The following TCTN2 variants were observed in gnomAD, a reference collection of about 807,000 sequenced individuals.
TCTN2 encodes tectonic-2.
A neutral mutation model predicts 83.4 loss-of-function variants in TCTN2; 66 were observed. The ratio of observed to expected loss-of-function variants is 0.79; its 90% confidence interval spans 0.65 to 0.97. The LOEUF is 0.97. TCTN2 is among the 50% of genes least tolerant of loss of function. TCTN2 has a pLI of 0.00. For missense variants in TCTN2, 794 were observed against 858.1 expected, an observed-to-expected ratio of 0.93 and a Z score of 0.93; for synonymous variants, 301 against 326.7, an observed-to-expected ratio of 0.92 and a Z score of 0.85.
At chr12:123,694,001 T>C (rs2135845449) in intron 9 of TCTN2, among the ~76,000 whole-genome samples, 1 of 149,496 alleles carries the variant, frequency 6.7e-6, no homozygotes, top group South Asian at 2.1e-4. Context: ...TATTTTTTTG[T>C]ATTTTTTTTT....
Position 123,696,820 on chromosome 12 carries a change from A to G in TCTN2, c.1394-267A>G, listed in dbSNP as rs549572425. 1.5e-5 allele frequency: 8 copies of G among 534,388 alleles called. No individual in the cohort carries two copies. In the East Asian group the frequency reaches 2.7e-4, roughly 18 times the overall value. The allele number at this position is 534,388 out of a possible 1,614,324, so 33.1% of individuals were successfully genotyped here. ...AGACATGAAAATAACTTCGTTCTGA[A>G]CTGCAGGAAATCTGTGCTTCAGTGG... is the stretch of plus-strand genomic sequence containing the variant. On this transcript the variant is annotated intron_variant, in intron 12 of 17. Coordinates refer to ENST00000303372, the MANE Select transcript of TCTN2 (RefSeq NM_024809.5).
intron 14 of TCTN2, among the ~76,000 whole-genome samples, chr12:123,702,681 A>G (rs1447201798): frequency 6.6e-6 from 1 of 152,204 alleles, no homozygotes; most frequent in Non-Finnish European, 1.5e-5. Flanking sequence ...CCAGCTAGAT[A>G]GGCTGTGGAA....
chr12:123,704,684 A>G lies in TCTN2; in HGVS notation c.1765A>G (p.Thr589Ala). ...TCAGCAGGAGATACTCGGTGTAGAGACAAGGTATGATCACATCTTGGATCA... is the reference window on the plus strand; with the variant it reads ...TCAGCAGGAGATACTCGGTGTAGAGGCAAGGTATGATCACATCTTGGATCA... ...ITQQEILGVE[T>A]RFSSVNWQYQ... The change falls in exon 15 of 18, where the codon ACA becomes GCA. Residue 589 changes from threonine to alanine, a missense_variant. Thr to Ala is a moderately conservative substitution (Grantham distance 58). Coordinates refer to ENST00000303372, the MANE Select transcript of TCTN2 (RefSeq NM_024809.5). 4 of 1,613,506 alleles carry G rather than the reference A, an allele frequency of 2.5e-6. No individual in the cohort carries two copies. The highest frequency in any genetic ancestry group is 3.4e-6 in the Non-Finnish European group (4 of 1,179,902).
Position 123,696,508 on chromosome 12 carries a change from G to T in TCTN2, c.1393+13G>T. ...CTTTGGCAATCGGGTAATCCGGTTT[G>T]GTCATTATGATTAGCCCTTTGGCAA... On this transcript the variant is annotated intron_variant, in intron 12 of 17. Coordinates refer to ENST00000303372, the MANE Select transcript of TCTN2 (RefSeq NM_024809.5). The T allele has an allele frequency of 6.2e-7, 1 of 1,611,240 alleles. No homozygotes were observed. Among genetic ancestry groups the T allele is most frequent in the South Asian group, 1.1e-5 (1 of 91,026 alleles).
chr12:123,671,205 G>T lies in TCTN2; in HGVS notation c.-36G>T. The stretch of plus-strand genomic sequence containing the variant: ...GTCCTTCCTGGGTTCTAATGAGGGC[G>T]CGGTTCTGCTGTGCCCGGCCCGCGA... On this transcript the variant is annotated 5_prime_UTR_variant, in exon 1 of 18. Transcript: ENST00000303372. The T allele has an allele frequency of 6.3e-7, 1 of 1,591,600 alleles. No individual in the cohort carries two copies.
intron 6 of TCTN2, among the ~76,000 whole-genome samples, 179 bp downstream of exon 6, chr12:123,687,214 T>A (rs899387462): frequency 2.6e-5 from 4 of 152,196 alleles, no homozygotes; most frequent in African/African-American, 9.6e-5. Context: ...TTTGGAAGAA[T>A]TGGGCCTCAT....
intron 9 of TCTN2, 49 bp from the exon 10 acceptor site, chr12:123,694,793 C>T (rs762164568): frequency 1.3e-6 from 2 of 1,596,504 alleles, no homozygotes; most frequent in African/African-American, 2.7e-5. Flanking sequence ...GTAACAGAGT[C>T]AGGCTCAAAG....
At chr12:123,687,161 G>A in intron 6 of TCTN2, 126 bp downstream of exon 6, 2 of 1,086,620 alleles carry the variant, frequency 1.8e-6, no homozygotes, top group Non-Finnish European at 2.8e-6. Flanking sequence ...CGTGCCTAAA[G>A]GGTTCAATTC....
At chr12:123,675,518 C>T (rs181677272) in intron 4 of TCTN2, among the ~76,000 whole-genome samples, 94 of 152,286 alleles carry the variant, frequency 6.2e-4, no homozygotes, top group African/African-American at 2.2e-3. Flanking sequence ...CCTCCTGGTG[C>T]TTCTGGAAGT....
chr12:123,693,394 T>C (rs1474998967), intron 9 of TCTN2, among the ~76,000 whole-genome samples: 2 of 150,066 alleles, frequency 1.3e-5, no homozygotes, highest in Non-Finnish European at 3.0e-5. Flanking sequence ...TTTTTTTTTT[T>C]TTTGATAATT....
At chr12:123,680,605 C>A (rs1185897819) in intron 5 of TCTN2, among the ~76,000 whole-genome samples, 1 of 151,122 alleles carries the variant, frequency 6.6e-6, no homozygotes, top group Non-Finnish European at 1.5e-5. Context: ...CAACCTCCAC[C>A]TCCTGGATTC....
intron 9 of TCTN2, 129 bp from the exon 10 acceptor site, chr12:123,694,713 G>A (rs2135846409): frequency 1.1e-6 from 1 of 947,072 alleles, no homozygotes; most frequent in African/African-American, 1.6e-5. Context: ...TGCCATGTTA[G>A]GGAGCTGGAG....
At chr12:123,707,503 G>T (rs893979810) in intron 17 of TCTN2, 101 bp from the exon 18 acceptor site, 2 of 1,149,438 alleles carry the variant, frequency 1.7e-6, no homozygotes, top group East Asian at 4.8e-5. Flanking sequence ...CTCCCAAAGT[G>T]TTAGGATTAC....
chr12:123,685,199 C>T (rs1469780047), intron 5 of TCTN2, among the ~76,000 whole-genome samples: 1 of 152,100 alleles, frequency 6.6e-6, no homozygotes, highest in Admixed American at 6.6e-5. Flanking sequence ...TGCTACAGTA[C>T]CAGCCCCTGA....
chr12:123,696,725 G>A lies in TCTN2; in HGVS notation c.1393+230G>A. The A allele has an allele frequency of 5.3e-6, 3 of 570,042 alleles. No individual in the cohort carries two copies. The South Asian group carries it at 5.9e-5, about 11-fold the overall frequency. The allele number at this position is 570,042 out of a possible 1,614,324, so 35.3% of individuals were successfully genotyped here. On this transcript the variant is annotated intron_variant, in intron 12 of 17. Coordinates refer to ENST00000303372, the MANE Select transcript of TCTN2 (RefSeq NM_024809.5). Reference sequence around the variant, plus strand: ...TGAAGTGCTGGTTGCTAGTAGAAAAGATTGAAATATGAGATTGGCTTGAGA... The same window carrying A: ...TGAAGTGCTGGTTGCTAGTAGAAAAAATTGAAATATGAGATTGGCTTGAGA...
chr12:123,707,104 A>G, intron 17 of TCTN2, 31 bp downstream of exon 17: 1 of 1,595,300 alleles, frequency 6.3e-7, no homozygotes, highest in Non-Finnish European at 8.6e-7. Context: ...ATGACCAATT[A>G]TGTTATGTCA....
chr12:123,690,853 A>T (rs1953899428), intron 8 of TCTN2, among the ~76,000 whole-genome samples, 179 bp downstream of exon 8: 1 of 152,208 alleles, frequency 6.6e-6, no homozygotes, highest in Non-Finnish European at 1.5e-5. Context: ...ATTATTTTGA[A>T]ATTGAAGTAA....
intron 7 of TCTN2, among the ~76,000 whole-genome samples, chr12:123,688,627 CTGTTTA>C (rs1331747807): frequency 3.9e-5 from 6 of 152,280 alleles, no homozygotes; most frequent in Non-Finnish European, 8.8e-5. Context: ...AGGGACTTAA[CTGTTTA>C]TGTTCTCCAA....
At chr12:123,691,835 G>A (rs1200553933) in intron 8 of TCTN2, among the ~76,000 whole-genome samples, 1 of 151,480 alleles carries the variant, frequency 6.6e-6, no homozygotes, top group Non-Finnish European at 1.5e-5. Context: ...TGGTTCAAGC[G>A]ATTCCCCTGC....
Sources: gnomAD v4.1 joint callset for allele counts (sites outside exome capture counted in the v4.1 genomes callset) on GRCh38, gnomAD v4.1.1 for gene constraint, MANE v1.5 for transcripts, NCBI Gene and HGNC (gene_info 2026-07-23, HGNC 2026-07-21) for gene names.